Variants in TRIM69 observed in about 807,000 individuals in gnomAD.
TRIM69 encodes the protein tripartite motif containing 69, also known as E3 ubiquitin-protein ligase TRIM69.
In TRIM69, 29 loss-of-function variants were observed where a neutral mutation model predicts 37.7. The observed-to-expected ratio is 0.77, with a 90% CI of 0.57 to 1.05. The LOEUF (loss-of-function observed/expected upper bound fraction) is 1.05, where lower values mean the gene tolerates loss of function less well. Among genes scored for constraint, TRIM69 ranks in the 50% least tolerant of loss-of-function variants. TRIM69 has a pLI of 0.00. For missense variants in TRIM69, 596 were observed against 579.9 expected (o/e 1.03, Z -0.28); for synonymous variants, 209 against 212.4 (o/e 0.98, Z 0.14).
intron 1 of TRIM69, among the ~76,000 whole-genome samples, chr15:44,751,735 A>T (rs1359336002): frequency 6.6e-6 from 1 of 151,976 alleles, no homozygotes; most frequent in South Asian, 2.1e-4. Flanking sequence ...AAGTTTTGAC[A>T]TGCTGTGTGT....
At chr15:44,745,737 T>C (rs1204116217) in intron 1 of TRIM69, among the ~76,000 whole-genome samples, 2 of 152,086 alleles carry the variant, frequency 1.3e-5, no homozygotes, top group Admixed American at 6.5e-5. Context: ...GAAATTATGG[T>C]GTTGAAAAGC....
chr15:44,766,535 C>G (rs1458554672), intron 6 of TRIM69, among the ~76,000 whole-genome samples: 2 of 152,096 alleles, frequency 1.3e-5, no homozygotes, highest in African/African-American at 4.8e-5. Flanking sequence ...AAATACATCT[C>G]ATGTATATAC....
At chr15:44,747,131 A>G (rs2087425404) in intron 1 of TRIM69, among the ~76,000 whole-genome samples, 1 of 152,206 alleles carries the variant, frequency 6.6e-6, no homozygotes, top group South Asian at 2.1e-4. Flanking sequence ...CAGAACAAAG[A>G]GAACAGGCAA....
chr15:44,750,317 G>A (rs1418801762), intron 1 of TRIM69, among the ~76,000 whole-genome samples: 1 of 152,188 alleles, frequency 6.6e-6, no homozygotes, highest in Admixed American at 6.5e-5. Flanking sequence ...AGTTTGAGAA[G>A]GATTGATATT....
chr15:44,750,918 T>C (rs2087510874), intron 1 of TRIM69, among the ~76,000 whole-genome samples: 1 of 147,664 alleles, frequency 6.8e-6, no homozygotes, highest in Non-Finnish European at 1.5e-5. Context: ...TAGATTGTTT[T>C]TCTATTTTCT....
intron 1 of TRIM69, among the ~76,000 whole-genome samples, chr15:44,738,759 A>G (rs1227892779): frequency 3.9e-5 from 6 of 152,224 alleles, no homozygotes; most frequent in Non-Finnish European, 7.3e-5. Context: ...AAGATACTTG[A>G]AGCAATCTGA....
chr15:44,764,124 T>A (rs1423604946), intron 6 of TRIM69, among the ~76,000 whole-genome samples: 2 of 152,230 alleles, frequency 1.3e-5, no homozygotes, highest in Non-Finnish European at 2.9e-5. Context: ...CTCCTCTGTG[T>A]TACTCTGCTT....
intron 6 of TRIM69, among the ~76,000 whole-genome samples, chr15:44,764,517 A>G (rs956169593): frequency 6.6e-6 from 1 of 151,812 alleles, no homozygotes; most frequent in Non-Finnish European, 1.5e-5. Flanking sequence ...TTTTCTGTAA[A>G]GGTTTGAAGA....
At chr15:44,754,644 G>C (rs2087604341) in intron 1 of TRIM69, 1 of 419,880 alleles carries the variant, frequency 2.4e-6, no homozygotes, top group East Asian at 3.6e-5. Flanking sequence ...TAAAGAGAGA[G>C]ATGTACAACA....
chr15:44,762,132 A>G (rs992185991), intron 6 of TRIM69, among the ~76,000 whole-genome samples: 3 of 151,650 alleles, frequency 2.0e-5, no homozygotes, highest in African/African-American at 7.3e-5. Context: ...CGCCCGGCTA[A>G]TTTTTTTGCA....
chr15:44,756,505 A>G, intron 3 of TRIM69, 42 bp downstream of exon 3: 1 of 1,357,088 alleles, frequency 7.4e-7, no homozygotes, highest in Non-Finnish European at 1.0e-6. Context: ...GAACTGGAAC[A>G]CACCCTCCAT....
chr15:44,739,723 C>T (rs1320622659), intron 1 of TRIM69, among the ~76,000 whole-genome samples: 7 of 151,982 alleles, frequency 4.6e-5, no homozygotes, highest in Middle Eastern at 3.4e-3. Flanking sequence ...ACAAAGCAGC[C>T]GGGAAGCTCG....
chr15:44,740,158 G>A lies in TRIM69; in HGVS notation c.6+3448G>A, dbSNP rs573014296. On this transcript the variant is annotated intron_variant, in intron 1 of 6. Transcript: ENST00000329464. ...ACCTCTAGCAAACTCCAATAGACCTGCAGCTGAGGGTCCTGTCTGTTAGAA... is the reference window on the plus strand; with the variant it reads ...ACCTCTAGCAAACTCCAATAGACCTACAGCTGAGGGTCCTGTCTGTTAGAA... 2.1e-4 allele frequency among the ~76,000 whole-genome samples: 32 copies of A among 152,338 alleles called. No individual in the cohort carries two copies. The East Asian group carries it at 6.0e-3, about 28-fold the overall frequency.
At chr15:44,751,656 C>A (rs113856001) in intron 1 of TRIM69, among the ~76,000 whole-genome samples, 1,540 of 152,202 alleles carry the variant, frequency 0.01, 29 homozygotes, top group African/African-American at 0.036. Context: ...GATTTGTGGT[C>A]TTTCTTTTTT....
intron 1 of TRIM69, among the ~76,000 whole-genome samples, chr15:44,740,410 G>C (rs1292277723): frequency 6.6e-6 from 1 of 152,190 alleles, no homozygotes; most frequent in Non-Finnish European, 1.5e-5. Flanking sequence ...AGAGAAGAAG[G>C]CTTCAGATGA....
intron 6 of TRIM69, among the ~76,000 whole-genome samples, chr15:44,761,744 C>G (rs2087780424): frequency 6.6e-6 from 1 of 152,200 alleles, no homozygotes; most frequent in Non-Finnish European, 1.5e-5. Context: ...AAATTACAGG[C>G]ATGAGCCGTG....
At chr15:44,756,258 T>A (rs2087643648) in intron 2 of TRIM69, 110 bp from the exon 3 acceptor site, 2 of 685,474 alleles carry the variant, frequency 2.9e-6, no homozygotes, top group Non-Finnish European at 5.1e-6. Context: ...GGGAAGATTT[T>A]TGCAGCAAGA....
intron 6 of TRIM69, among the ~76,000 whole-genome samples, chr15:44,764,288 TTAATA>T (rs2087842341): frequency 6.6e-6 from 1 of 152,258 alleles, no homozygotes; most frequent in African/African-American, 2.4e-5. Flanking sequence ...TGAGATTTAT[TTAATA>T]TATGACTATT....
intron 1 of TRIM69, among the ~76,000 whole-genome samples, chr15:44,749,918 T>C (rs1163400475): frequency 6.6e-6 from 1 of 152,230 alleles, no homozygotes; most frequent in Non-Finnish European, 1.5e-5. Context: ...ATTACGGCAA[T>C]ACAAGTGAGT....
Sources: allele counts gnomAD v4.1 joint callset (sites outside exome capture counted in the v4.1 genomes callset), GRCh38; gene constraint gnomAD v4.1.1; transcripts MANE v1.5; gene names NCBI Gene and HGNC (gene_info 2026-07-23, HGNC 2026-07-21).